ZFPM1: variants seen among roughly 807,000 people sequenced by gnomAD.
ZFPM1 encodes the protein zinc finger protein, FOG family member 1.
Under a neutral mutation model 46.3 loss-of-function variants are expected in ZFPM1, and 28 were observed. The observed-to-expected ratio is 0.60, with a 90% confidence interval of 0.45 to 0.83. The LOEUF is 0.83. ZFPM1 is among the 40% of genes least tolerant of loss of function. The pLI is 0.00. For missense variants in ZFPM1, 1,878 were observed against 1,432.4 expected (o/e 1.31, Z -5.02); for synonymous variants, 957 against 675.9 (o/e 1.42, Z -6.45).
At chr16:88,464,035 C>T (rs1908016197) in intron 1 of ZFPM1, among the ~76,000 whole-genome samples, 2 of 152,198 alleles carry the variant, frequency 1.3e-5, no homozygotes, top group South Asian at 2.1e-4. Context: ...AGCCCTTGAT[C>T]GAGGTGTTTG....
intron 3 of ZFPM1, among the ~76,000 whole-genome samples, chr16:88,504,316 A>G (rs1381087539): frequency 6.6e-6 from 1 of 152,122 alleles, no homozygotes; most frequent in African/African-American, 2.4e-5. Flanking sequence ...CCAATAGGAC[A>G]AGGCAAGGCT....
At chr16:88,454,568 C>T (rs1907450531) in intron 1 of ZFPM1, among the ~76,000 whole-genome samples, 4 of 152,258 alleles carry the variant, frequency 2.6e-5, no homozygotes, top group Admixed American at 2.6e-4. Flanking sequence ...GCTCCCTGCC[C>T]GGTCAGAGGC....
intron 2 of ZFPM1, among the ~76,000 whole-genome samples, chr16:88,486,882 T>G (rs1190329341): frequency 6.6e-6 from 1 of 152,118 alleles, no homozygotes; most frequent in Non-Finnish European, 1.5e-5. Flanking sequence ...TGGTGTCTCC[T>G]GCTAAGACAC....
intron 1 of ZFPM1, among the ~76,000 whole-genome samples, chr16:88,459,964 T>C (rs1907742535): frequency 6.6e-6 from 1 of 151,226 alleles, no homozygotes; most frequent in South Asian, 2.1e-4. Flanking sequence ...GCTGCTCACA[T>C]AGCTCACTGC....
At chr16:88,460,403 G>A (rs1317442263) in intron 1 of ZFPM1, among the ~76,000 whole-genome samples, 1 of 152,228 alleles carries the variant, frequency 6.6e-6, no homozygotes, top group Admixed American at 6.5e-5. Flanking sequence ...GGCCCAGGCA[G>A]TGTCATGGTG....
chr16:88,468,848 G>A (rs1421184862), intron 1 of ZFPM1: 3 of 152,446 alleles, frequency 2.0e-5, no homozygotes, highest in Middle Eastern at 3.1e-3. Context: ...TGACCTGGGG[G>A]AGTAGTTCCC....
rs1305552021 is a variant in ZFPM1, at chr16:88,534,252, C to A, written c.2294C>A (p.Ala765Glu). 7.7e-6 allele frequency: 8 copies of A among 1,040,858 alleles called. No individual in the cohort carries two copies. Among genetic ancestry groups the A allele is most frequent in the Non-Finnish European group, 9.2e-6 (8 of 870,180 alleles). 64.5% of individuals were successfully genotyped at this position (1,040,858 alleles called of 1,614,324 possible). Reference protein sequence around the residue: ...PPPPPPGHAPAPESPRPGSGS... With the variant: ...PPPPPPGHAPEPESPRPGSGS... Reference sequence around the variant, plus strand: ...CCCCCGCCGCCCGGCCACGCCCCCGCGCCCGAGTCGCCGCGGCCCGGAAGC... The same window carrying A: ...CCCCCGCCGCCCGGCCACGCCCCCGAGCCCGAGTCGCCGCGGCCCGGAAGC... Residue 765 changes from alanine (A) to glutamate (E), a missense_variant, in exon 10 of 10, where the codon GCG (alanine) becomes GAG (glutamate). By Grantham distance (107) the Ala-to-Glu change is moderately radical. Coordinates refer to ENST00000319555, the MANE Select transcript of ZFPM1 (RefSeq NM_153813.3).
chr16:88,534,121 G>C lies in ZFPM1; in HGVS notation c.2163G>C (p.Pro721=), dbSNP rs1232330541. The C allele has an allele frequency of 9.1e-6, 10 of 1,100,326 alleles. No homozygotes were observed. The highest frequency in any genetic ancestry group is 3.4e-5 in the African/African-American group (2 of 58,180). 68.2% of individuals were successfully genotyped at this position (1,100,326 alleles called of 1,614,324 possible). Residue 721 remains proline, a synonymous_variant, in exon 10 of 10, where the codon CCG becomes CCC. Coordinates refer to ENST00000319555, the MANE Select transcript of ZFPM1 (RefSeq NM_153813.3). ...CGCCGCGCCGACCGGCCGCGCCCCC[G>C]GGACCCCCTGGGCCGGCCGCGCCCC... ...DPPPRRPAAP[P]GPPGPAAPPA...
At chr16:88,522,396 C>A (rs980480987) in intron 4 of ZFPM1, among the ~76,000 whole-genome samples, 11 of 152,214 alleles carry the variant, frequency 7.2e-5, no homozygotes, top group Non-Finnish European at 7.3e-5. Flanking sequence ...CTCCCACCCT[C>A]CCGTGAACCT....
Position 88,453,694 on chromosome 16 carries a change from C to T in ZFPM1, c.40+16C>T. ...CAGATCAAGCGTGAGTCAAACTTTG[C>T]CCGCGGTCCCCTCCGCGCGCCCGAC... On this transcript the variant is annotated intron_variant, in intron 1 of 9. Transcript: ENST00000319555. 8.4e-7 allele frequency: 1 copy of T among 1,192,056 alleles called. No individual in the cohort carries two copies. The allele number at this position is 1,192,056 out of a possible 1,614,324, so 73.8% of individuals were successfully genotyped here. A position where few individuals can be genotyped will look rare whatever the true frequency, so the allele number is the denominator to read the frequency against.
At chr16:88,508,077 A>C (rs1290141734) in intron 3 of ZFPM1, among the ~76,000 whole-genome samples, 1 of 152,174 alleles carries the variant, frequency 6.6e-6, no homozygotes, top group Non-Finnish European at 1.5e-5. Context: ...TGGGCAGATC[A>C]TTTGAGGTCA....
chr16:88,465,154 G>T (rs1908077577), intron 1 of ZFPM1, among the ~76,000 whole-genome samples: 1 of 152,256 alleles, frequency 6.6e-6, no homozygotes, highest in Non-Finnish European at 1.5e-5. Flanking sequence ...CTACACCGCA[G>T]CGGCCTCTGC....
At chr16:88,470,459 G>A (rs1302284576) in intron 1 of ZFPM1, among the ~76,000 whole-genome samples, 1 of 152,236 alleles carries the variant, frequency 6.6e-6, no homozygotes, top group Admixed American at 6.5e-5. Context: ...CCACTGGGGA[G>A]GCTGTTGTTG....
chr16:88,499,343 G>T (rs1239039494), intron 3 of ZFPM1, among the ~76,000 whole-genome samples: 1 of 152,256 alleles, frequency 6.6e-6, no homozygotes. Context: ...ATAGACAGGG[G>T]GATGCAGCGT....
intron 1 of ZFPM1, among the ~76,000 whole-genome samples, chr16:88,465,653 A>G (rs1908101149): frequency 6.6e-6 from 1 of 151,870 alleles, no homozygotes; most frequent in South Asian, 2.1e-4. Context: ...GGGGAGGGGG[A>G]GGGGCTTGCC....
chr16:88,521,680 C>T (rs1911901325), intron 4 of ZFPM1, among the ~76,000 whole-genome samples: 1 of 126,352 alleles, frequency 7.9e-6, no homozygotes, highest in Non-Finnish European at 1.7e-5. Context: ...CCAACCCGTG[C>T]TGTTCCCTCC....
chr16:88,508,222 G>A (rs969786998), intron 3 of ZFPM1, among the ~76,000 whole-genome samples: 10 of 152,306 alleles, frequency 6.6e-5, no homozygotes, highest in South Asian at 4.1e-4. Context: ...GCTTGAACCC[G>A]GGAGGCGGAG....
At chr16:88,495,430 C>T (rs1346634833) in intron 3 of ZFPM1, among the ~76,000 whole-genome samples, 4 of 152,352 alleles carry the variant, frequency 2.6e-5, no homozygotes, top group African/African-American at 9.6e-5. Context: ...CTACCTGGGG[C>T]ACCGAGGAGG....
In ZFPM1 at chr16:88,469,688, G is replaced by A. The variant is rs11861299; in HGVS notation, c.40+16010G>A. On this transcript the variant is annotated intron_variant, in intron 1 of 9. Transcript: ENST00000319555. The surrounding 1 kb of genome is among the most constrained non-coding windows in gnomAD (Gnocchi z 4.3). Reference sequence around the variant, plus strand: ...GGCTGGAGGCCCTGTCAGCTCCCACGGCACCTGAAAATCAGCCACAGGTGT... The same window carrying A: ...GGCTGGAGGCCCTGTCAGCTCCCACAGCACCTGAAAATCAGCCACAGGTGT... Among the ~76,000 whole-genome samples, 719 of 152,290 alleles carry A rather than the reference G, an allele frequency of 4.7e-3. 6 individuals are homozygous for A. Among genetic ancestry groups the A allele is most frequent in the African/African-American group, 0.016 (673 of 41,552 alleles).
Sources: allele counts gnomAD v4.1 joint callset (sites outside exome capture counted in the v4.1 genomes callset), GRCh38; gene constraint gnomAD v4.1.1; non-coding constraint Gnocchi (gnomAD v3.1); transcripts MANE v1.5; gene names NCBI Gene and HGNC (gene_info 2026-07-23, HGNC 2026-07-21).